MPRIP: variants seen among roughly 807,000 people sequenced by gnomAD.
MPRIP encodes myosin phosphatase Rho-interacting protein.
A neutral mutation model predicts 234.9 loss-of-function variants in MPRIP; 59 were observed. The observed-to-expected ratio is 0.25, with a 90% CI of 0.20 to 0.31. The LOEUF (loss-of-function observed/expected upper bound fraction) is 0.31. MPRIP is among the 10% of genes least tolerant of loss of function. The pLI is 1.00. For synonymous variants in MPRIP, 1,144 were observed against 1,263.9 expected (o/e 0.91, Z 2.01); for missense variants, 2,436 against 3,071.0 (o/e 0.79, Z 4.89).
At chr17:17,151,687 G>A (rs1414658371) in intron 12 of MPRIP, among the ~76,000 whole-genome samples, 1 of 152,188 alleles carries the variant, frequency 6.6e-6, no homozygotes, top group Non-Finnish European at 1.5e-5. Context: ...GGGGTCCCAG[G>A]GTACCACCAT....
chr17:17,050,558 C>T (rs966084952), intron 1 of MPRIP, among the ~76,000 whole-genome samples: 1 of 152,202 alleles, frequency 6.6e-6, no homozygotes, highest in Non-Finnish European at 1.5e-5. Flanking sequence ...TCCTCCGTCC[C>T]TCCCTTGGGC....
intron 1 of MPRIP, among the ~76,000 whole-genome samples, chr17:17,053,565 C>T (rs1247564540): frequency 6.6e-6 from 1 of 152,218 alleles, no homozygotes; most frequent in Non-Finnish European, 1.5e-5. Flanking sequence ...GGCCCATCTG[C>T]TCTTGAATGT....
chr17:17,063,210 G>A (rs997444336), intron 1 of MPRIP, among the ~76,000 whole-genome samples: 2 of 152,250 alleles, frequency 1.3e-5, no homozygotes, highest in African/African-American at 4.8e-5. Flanking sequence ...ACTCAGAGCT[G>A]TTAGGGAGCA....
At chr17:17,172,091 G>A (rs980716330) in intron 17 of MPRIP, among the ~76,000 whole-genome samples, 7 of 152,176 alleles carry the variant, frequency 4.6e-5, no homozygotes, top group Non-Finnish European at 1.0e-4. Context: ...CAGCCCCGTC[G>A]TGGCCGGCTG....
chr17:17,096,628 G>T, intron 3 of MPRIP: 1 of 378,498 alleles, frequency 2.6e-6, no homozygotes. Flanking sequence ...CTAACAATAA[G>T]ACCCTTGTTG....
At chr17:17,089,689 G>C (rs552959144) in intron 3 of MPRIP, among the ~76,000 whole-genome samples, 2 of 152,032 alleles carry the variant, frequency 1.3e-5, no homozygotes, top group African/African-American at 4.8e-5. Context: ...TGAGGTGTAG[G>C]CGTGAGAAAC....
chr17:17,066,643 T>C (rs867279567), intron 1 of MPRIP, among the ~76,000 whole-genome samples: 10 of 150,792 alleles, frequency 6.6e-5, no homozygotes, highest in Middle Eastern at 7.0e-3. Context: ...CTGAACCTGA[T>C]TGCTTTCAGT....
intron 3 of MPRIP, among the ~76,000 whole-genome samples, chr17:17,101,692 A>G (rs1344718073): frequency 6.6e-6 from 1 of 152,242 alleles, no homozygotes; most frequent in Non-Finnish European, 1.5e-5. Flanking sequence ...TTGTGTATAT[A>G]TTTTCCTGCC....
intron 5 of MPRIP, among the ~76,000 whole-genome samples, chr17:17,135,815 C>T (rs183276685): frequency 1.4e-3 from 211 of 152,292 alleles, no homozygotes; most frequent in Admixed American, 2.7e-3. Flanking sequence ...TTGCATCTGA[C>T]GACTCTTTCC....
At chr17:17,141,504 C>G (rs1468116114) in intron 7 of MPRIP, 1 of 152,358 alleles carries the variant, frequency 6.6e-6, no homozygotes, top group Non-Finnish European at 1.5e-5. Context: ...CACTTTGTGT[C>G]TAAGCGCAGG....
chr17:17,083,073 G>C (rs985444520), intron 3 of MPRIP, among the ~76,000 whole-genome samples: 14 of 152,340 alleles, frequency 9.2e-5, no homozygotes, highest in African/African-American at 3.1e-4. Flanking sequence ...CCTCCATGGT[G>C]TGGAGCTCTG....
At chr17:17,174,705 G>T (rs2046216852) in intron 19 of MPRIP, among the ~76,000 whole-genome samples, 1 of 152,022 alleles carries the variant, frequency 6.6e-6, no homozygotes. Flanking sequence ...TGTGGTGGTG[G>T]GCGCCTATAG....
At chr17:17,132,560 A>G (rs1288362357) in intron 5 of MPRIP, among the ~76,000 whole-genome samples, 1 of 152,184 alleles carries the variant, frequency 6.6e-6, no homozygotes, top group Admixed American at 6.5e-5. Flanking sequence ...GGCCCACAGA[A>G]GTGAAGAGAG....
chr17:17,144,661 TC>T (rs2045417679), intron 9 of MPRIP, among the ~76,000 whole-genome samples: 1 of 152,112 alleles, frequency 6.6e-6, no homozygotes, highest in Admixed American at 6.5e-5. Flanking sequence ...ATCGAGACCA[TC>T]CTGACCAACA....
intron 7 of MPRIP, chr17:17,141,688 TG>T (rs1189028653): frequency 3.3e-5 from 5 of 152,238 alleles, no homozygotes; most frequent in African/African-American, 9.7e-5. Flanking sequence ...CTTCCAGGCT[TG>T]GGAGCCCTTC....
chr17:17,170,033 T>A (rs2046096313), intron 16 of MPRIP: 1 of 149,668 alleles, frequency 6.7e-6, no homozygotes. Flanking sequence ...TCCCAGCAAG[T>A]AGACTCAAAG....
chr17:17,126,825 C>T lies in MPRIP; in HGVS notation c.391C>T (p.Arg131Trp). The change falls in exon 4 of 24, where the codon CGG (arginine) becomes TGG (tryptophan). Residue 131 changes from arginine to tryptophan, a missense_variant. Transcript: ENST00000651222. ...ILTPEKEHFI[R>W]AETKEIVSGW... ...GACGCCTGAGAAGGAGCATTTCATC[C>T]GGGCGGAGACCAAGGAGATCGTCAG... 1 of 1,614,124 alleles carries T rather than the reference C, an allele frequency of 6.2e-7. No individual in the cohort carries two copies. Among genetic ancestry groups the T allele is most frequent in the Non-Finnish European group, 8.5e-7 (1 of 1,179,982 alleles).
intron 9 of MPRIP, 59 bp downstream of exon 9, chr17:17,143,728 G>C (rs1422746274): frequency 3.3e-5 from 39 of 1,195,402 alleles, no homozygotes; most frequent in Non-Finnish European, 4.4e-5. Context: ...GTCACTCTGA[G>C]GCGCTGTCTG....
At chr17:17,145,899 C>T in intron 9 of MPRIP, 137 bp from the exon 10 acceptor site, 3 of 800,954 alleles carry the variant, frequency 3.7e-6, no homozygotes, top group Non-Finnish European at 6.1e-6. Context: ...GGTGAGGGGG[C>T]TGCACAGGCT....
Sources: allele counts gnomAD v4.1 joint callset (sites outside exome capture counted in the v4.1 genomes callset), GRCh38; gene constraint gnomAD v4.1.1; transcripts MANE v1.5; gene names NCBI Gene and HGNC (gene_info 2026-07-23, HGNC 2026-07-21).